Variants in LHFPL3 observed in about 807,000 individuals in gnomAD.
LHFPL3 encodes the protein LHFPL tetraspan subfamily member 3.
Under a neutral mutation model 19.3 loss-of-function variants are expected in LHFPL3, and 5 were observed. The observed-to-expected ratio is 0.26, with a 90% confidence interval of 0.14 to 0.54. The LOEUF (loss-of-function observed/expected upper bound fraction) is 0.54, where lower values mean the gene tolerates loss of function less well. Among genes scored for constraint, LHFPL3 ranks in the 20% least tolerant of loss-of-function variants. The pLI is 0.94. For missense variants in LHFPL3, 249 were observed against 307.4 expected (o/e 0.81, Z 1.42); for synonymous variants, 133 against 126.2 (o/e 1.05, Z -0.36).
chr7:104,831,218 TTTA>T (rs1790947937), intron 2 of LHFPL3, among the ~76,000 whole-genome samples: 1 of 14,452 alleles, frequency 6.9e-5, no homozygotes, highest in African/African-American at 2.3e-4. Context: ...AAGCTGCACT[TTTA>T]TTCTTAATAA....
chr7:104,634,324 C>T (rs1164221171), intron 1 of LHFPL3, among the ~76,000 whole-genome samples: 2 of 152,158 alleles, frequency 1.3e-5, no homozygotes, highest in Non-Finnish European at 1.5e-5. Flanking sequence ...TGAGGGTTCC[C>T]TTCCTGGCTT....
intron 2 of LHFPL3, among the ~76,000 whole-genome samples, chr7:104,799,042 C>A (rs779480510): frequency 6.6e-6 from 1 of 152,190 alleles, no homozygotes; most frequent in Non-Finnish European, 1.5e-5. Flanking sequence ...CAAAAACATC[C>A]TGTCCGGTTG....
intron 1 of LHFPL3, among the ~76,000 whole-genome samples, chr7:104,435,150 A>G (rs556701571): frequency 3.3e-5 from 5 of 152,090 alleles, no homozygotes; most frequent in Admixed American, 3.3e-4. Context: ...TCTCTTTATT[A>G]TTTATTTATT....
At chr7:104,732,135 A>T (rs1434122232) in intron 1 of LHFPL3, among the ~76,000 whole-genome samples, 1 of 152,158 alleles carries the variant, frequency 6.6e-6, no homozygotes, top group Non-Finnish European at 1.5e-5. Flanking sequence ...CCAGTATTTT[A>T]TTGAGGATTT....
intron 1 of LHFPL3, among the ~76,000 whole-genome samples, chr7:104,420,582 C>G (rs1486923191): frequency 1.1e-5 from 1 of 87,562 alleles, no homozygotes. Flanking sequence ...TTTTTTGAGA[C>G]GGAGTCTCGC....
chr7:104,690,495 C>T (rs907073676), intron 1 of LHFPL3, among the ~76,000 whole-genome samples: 16 of 152,184 alleles, frequency 1.1e-4, no homozygotes, highest in Non-Finnish European at 8.8e-5. Context: ...ACATTGATGA[C>T]ATTATCCTGA....
At chr7:104,714,437 A>G (rs1346575966) in intron 1 of LHFPL3, among the ~76,000 whole-genome samples, 3 of 152,316 alleles carry the variant, frequency 2.0e-5, no homozygotes, top group Non-Finnish European at 4.4e-5. Flanking sequence ...CTAAAAAAAA[A>G]CTTTAAGGAA....
chr7:104,599,896 TG>T (rs1266334367), intron 1 of LHFPL3, among the ~76,000 whole-genome samples: 2 of 152,196 alleles, frequency 1.3e-5, no homozygotes, highest in African/African-American at 4.8e-5. Flanking sequence ...CAGGCAGTAT[TG>T]AGTTGTGCTG....
intron 2 of LHFPL3, among the ~76,000 whole-genome samples, chr7:104,863,166 TA>T (rs1440739775): frequency 6.6e-6 from 1 of 152,228 alleles, no homozygotes; most frequent in Admixed American, 6.5e-5. Context: ...TTCCAGATCT[TA>T]TTTTTTGTTG....
chr7:104,700,869 C>T (rs896189997), intron 1 of LHFPL3, among the ~76,000 whole-genome samples: 1 of 152,136 alleles, frequency 6.6e-6, no homozygotes, highest in Non-Finnish European at 1.5e-5. Flanking sequence ...TCCATAGAGC[C>T]CTTCATCCTC....
chr7:104,848,124 CA>C (rs895174618), intron 2 of LHFPL3, among the ~76,000 whole-genome samples: 3 of 152,140 alleles, frequency 2.0e-5, no homozygotes, highest in Admixed American at 6.5e-5. Flanking sequence ...ATTTCAGCTC[CA>C]GAATTTTGGC....
intron 1 of LHFPL3, among the ~76,000 whole-genome samples, chr7:104,375,914 T>G (rs1371808813): frequency 6.6e-6 from 1 of 152,246 alleles, no homozygotes; most frequent in Non-Finnish European, 1.5e-5. Context: ...GCTCACTGTT[T>G]CCTAATGTGC....
chr7:104,904,225 G>A (rs938697756), intron 2 of LHFPL3, among the ~76,000 whole-genome samples: 3 of 152,140 alleles, frequency 2.0e-5, no homozygotes, highest in African/African-American at 4.8e-5. Context: ...AGATCATAAT[G>A]TGGATACGAT....
At chr7:104,602,979 G>T (rs1790997739) in intron 1 of LHFPL3, among the ~76,000 whole-genome samples, 1 of 152,094 alleles carries the variant, frequency 6.6e-6, no homozygotes, top group African/African-American at 2.4e-5. Context: ...TGAGGCCAGA[G>T]CCATCATGAC....
At chr7:104,594,443 A>C (rs1332364183) in intron 1 of LHFPL3, among the ~76,000 whole-genome samples, 4 of 152,242 alleles carry the variant, frequency 2.6e-5, no homozygotes, top group African/African-American at 9.6e-5. Context: ...TGGGTAACTC[A>C]ACCTTTCTCT....
intron 1 of LHFPL3, among the ~76,000 whole-genome samples, chr7:104,420,353 C>G (rs1791703188): frequency 6.6e-6 from 1 of 152,126 alleles, no homozygotes. Flanking sequence ...CTATGACTGT[C>G]CACTGCTTTA....
chr7:104,495,694 T>C (rs920364607), intron 1 of LHFPL3, among the ~76,000 whole-genome samples: 2 of 152,274 alleles, frequency 1.3e-5, no homozygotes, highest in African/African-American at 2.4e-5. Flanking sequence ...AAAAATTTTT[T>C]TGTAGAGACT....
chr7:104,502,860 T>C (rs1793627653), intron 1 of LHFPL3, among the ~76,000 whole-genome samples: 1 of 152,222 alleles, frequency 6.6e-6, no homozygotes, highest in African/African-American at 2.4e-5. Flanking sequence ...AGTCTAGTTT[T>C]CAGGGTATTA....
intron 1 of LHFPL3, among the ~76,000 whole-genome samples, chr7:104,506,065 G>C (rs879601467): frequency 4.6e-5 from 7 of 151,090 alleles, no homozygotes; most frequent in Non-Finnish European, 7.4e-5. Flanking sequence ...TCGCCAGGCT[G>C]GAGTGCAGTG....
Sources: allele counts gnomAD v4.1 joint callset (sites outside exome capture counted in the v4.1 genomes callset), GRCh38; gene constraint gnomAD v4.1.1; transcripts MANE v1.5; gene names NCBI Gene and HGNC (gene_info 2026-07-23, HGNC 2026-07-21).